The following NXPE2 variants were observed in gnomAD, a reference collection of about 807,000 sequenced individuals.
NXPE2 encodes the protein NXPE family member 2.
In NXPE2, 34 loss-of-function variants were observed where a neutral mutation model predicts 34.4. The ratio of observed to expected loss-of-function variants is 0.99; its 90% CI spans 0.75 to 1.31. NXPE2 has a LOEUF of 1.31. NXPE2 is among the 40% of genes most tolerant of loss of function. NXPE2 has a pLI of 0.00. For synonymous variants in NXPE2, 235 were observed against 231.3 expected (o/e 1.02, Z -0.15); for missense variants, 649 against 672.5 (o/e 0.97, Z 0.39).
chr11:114,645,226 G>T, the NXPE2 span, among the ~76,000 whole-genome samples: 2 of 151,992 alleles, frequency 1.3e-5, no homozygotes, highest in African/African-American at 2.4e-5. Context: ...ACTTGAACCC[G>T]AGAGGCAGAA....
chr11:114,607,850 G>C, the NXPE2 span, among the ~76,000 whole-genome samples: 4 of 151,504 alleles, frequency 2.6e-5, no homozygotes, highest in Non-Finnish European at 4.4e-5. Context: ...GTATTGCCTT[G>C]CAGGTAACCA....
the NXPE2 span, among the ~76,000 whole-genome samples, chr11:114,528,626 C>G: frequency 6.6e-6 from 1 of 152,098 alleles, no homozygotes; most frequent in African/African-American, 2.4e-5. Flanking sequence ...AATAAATGTA[C>G]CTTACATTTC....
At chr11:114,761,869 C>T in the NXPE2 span, among the ~76,000 whole-genome samples, 4 of 152,192 alleles carry the variant, frequency 2.6e-5, no homozygotes, top group Admixed American at 6.5e-5. Context: ...CCACCGCGCC[C>T]GGCCGCCAAG....
chr11:114,808,343 CA>C, the NXPE2 span, among the ~76,000 whole-genome samples: 2 of 151,162 alleles, frequency 1.3e-5, no homozygotes, highest in African/African-American at 2.4e-5. Context: ...TAACTAAAAT[CA>C]GAGCAGAACT....
chr11:114,479,926 G>A, the NXPE2 span, among the ~76,000 whole-genome samples: 2 of 152,136 alleles, frequency 1.3e-5, no homozygotes, highest in Admixed American at 1.3e-4. Flanking sequence ...ATGGTGGAAG[G>A]TGAAGAGGGA....
the NXPE2 span, among the ~76,000 whole-genome samples, chr11:114,728,419 T>C: frequency 6.6e-6 from 1 of 152,110 alleles, no homozygotes; most frequent in African/African-American, 2.4e-5. Context: ...TATTTTTCAT[T>C]CCTAATACCA....
chr11:114,701,686 T>C (rs1327389719), intron 3 of NXPE2, among the ~76,000 whole-genome samples: 1 of 152,206 alleles, frequency 6.6e-6, no homozygotes, highest in Non-Finnish European at 1.5e-5. Flanking sequence ...CAAGCCCAAT[T>C]CTTTGACATC....
chr11:114,725,469 C>A, the NXPE2 span, among the ~76,000 whole-genome samples: 2 of 152,054 alleles, frequency 1.3e-5, no homozygotes, highest in African/African-American at 4.8e-5. Flanking sequence ...ATGATAAAAC[C>A]TATGGTCAAT....
chr11:114,609,669 G>A, the NXPE2 span, among the ~76,000 whole-genome samples: 1 of 151,398 alleles, frequency 6.6e-6, no homozygotes, highest in Non-Finnish European at 1.5e-5. Flanking sequence ...CTATTACCCA[G>A]TGGATAATAA....
the NXPE2 span, among the ~76,000 whole-genome samples, chr11:114,717,092 T>G: frequency 6.6e-6 from 1 of 152,184 alleles, no homozygotes; most frequent in Non-Finnish European, 1.5e-5. Flanking sequence ...ACAGGAAAAT[T>G]TGCTGATCCC....
At chr11:114,634,835 G>T in the NXPE2 span, among the ~76,000 whole-genome samples, 7 of 151,948 alleles carry the variant, frequency 4.6e-5, no homozygotes, top group East Asian at 1.3e-3. Context: ...CTCTGTTTTG[G>T]TATCAGTGCT....
At chr11:114,606,292 T>TCTTA in the NXPE2 span, among the ~76,000 whole-genome samples, 24,610 of 151,526 alleles carry the variant, frequency 0.16, 2,161 homozygotes, top group South Asian at 0.21. Context: ...GGATAATAAA[T>TCTTA]GTTGCCTCAT....
At chr11:114,473,274 T>C in the NXPE2 span, among the ~76,000 whole-genome samples, 2 of 152,238 alleles carry the variant, frequency 1.3e-5, no homozygotes, top group African/African-American at 4.8e-5. Context: ...TTTTTGAGAA[T>C]AAGTTCTTTG....
At chr11:114,784,768 C>G in the NXPE2 span, among the ~76,000 whole-genome samples, 1 of 152,094 alleles carries the variant, frequency 6.6e-6, no homozygotes, top group Admixed American at 6.6e-5. Flanking sequence ...CAAAGAGATA[C>G]CGCCAAATAG....
chr11:114,640,093 A>C, the NXPE2 span, among the ~76,000 whole-genome samples: 4 of 124,010 alleles, frequency 3.2e-5, no homozygotes, highest in Non-Finnish European at 6.3e-5. Flanking sequence ...AATGTAATAT[A>C]ATATATGATT....
chr11:114,632,121 TATA>T, the NXPE2 span, among the ~76,000 whole-genome samples: 3 of 144,092 alleles, frequency 2.1e-5, no homozygotes, highest in Middle Eastern at 3.6e-3. Context: ...AATTATATAT[TATA>T]ATAAAATATA....
At chr11:114,772,463 T>C in the NXPE2 span, among the ~76,000 whole-genome samples, 1 of 152,200 alleles carries the variant, frequency 6.6e-6, no homozygotes, top group African/African-American at 2.4e-5. Context: ...AGGCAACGTT[T>C]TCAATAATAC....
At chr11:114,521,880 T>C in the NXPE2 span, 3 of 1,029,838 alleles carry the variant, frequency 2.9e-6, no homozygotes, top group Admixed American at 4.6e-5. Context: ...TTTTCCTTAG[T>C]TCCTAAAATG....
the NXPE2 span, chr11:114,530,752 G>A: frequency 4.3e-6 from 7 of 1,614,238 alleles, no homozygotes; most frequent in South Asian, 3.3e-5. Context: ...AAAGGTCTGG[G>A]TGGGATCTGC....
Sources: allele counts gnomAD v4.1 joint callset (sites outside exome capture counted in the v4.1 genomes callset), GRCh38; gene constraint gnomAD v4.1.1; transcripts MANE v1.5; gene names NCBI Gene and HGNC (gene_info 2026-07-23, HGNC 2026-07-21).